Variants in ARB2A observed in about 807,000 individuals in gnomAD.
ARB2A encodes the protein ARB2 cotranscriptional regulator A.
chr5:93,949,069 C>A, the ARB2A span, among the ~76,000 whole-genome samples: 1 of 152,238 alleles, frequency 6.6e-6, no homozygotes, highest in Admixed American at 6.5e-5. Context: ...TACTAGCTAA[C>A]CCCTGAAGCT....
the ARB2A span, among the ~76,000 whole-genome samples, chr5:93,704,830 T>C: frequency 0.016 from 2,385 of 152,314 alleles, 87 homozygotes; most frequent in Admixed American, 0.063. Flanking sequence ...TTTGAGAATA[T>C]GAGAAGAGCT....
At chr5:93,855,575 A>G in the ARB2A span, among the ~76,000 whole-genome samples, 27 of 152,268 alleles carry the variant, frequency 1.8e-4, no homozygotes, top group Admixed American at 7.2e-4. Context: ...ACAATTTGGC[A>G]TGATTTTGCA....
chr5:93,866,347 A>C, the ARB2A span: 2 of 935,026 alleles, frequency 2.1e-6, no homozygotes, highest in African/African-American at 1.8e-5. Flanking sequence ...TGATTATGGG[A>C]GGAACAGTGT....
the ARB2A span, among the ~76,000 whole-genome samples, chr5:93,938,707 G>A: frequency 1.3e-5 from 2 of 152,194 alleles, no homozygotes; most frequent in Non-Finnish European, 2.9e-5. Flanking sequence ...ATCCTGGAGA[G>A]AGAGAGCATG....
the ARB2A span, among the ~76,000 whole-genome samples, chr5:93,634,043 G>A: frequency 1.3e-5 from 2 of 152,226 alleles, no homozygotes; most frequent in South Asian, 2.1e-4. Context: ...GATTACAGTC[G>A]TGAACCACTG....
chr5:93,705,643 GTGTGTGTGTATA>G, the ARB2A span, among the ~76,000 whole-genome samples: 59 of 146,348 alleles, frequency 4.0e-4, no homozygotes, highest in African/African-American at 1.6e-3. Flanking sequence ...GTGTGTGTGT[GTGTGTGTGTATA>G]TATATATATA....
chr5:93,977,496 C>T, the ARB2A span, among the ~76,000 whole-genome samples: 5 of 152,010 alleles, frequency 3.3e-5, no homozygotes, highest in East Asian at 9.7e-4. Flanking sequence ...TCAACAAAGT[C>T]AGTAAAAATA....
chr5:93,881,482 T>C, the ARB2A span: 6 of 1,609,586 alleles, frequency 3.7e-6, 1 homozygote, highest in East Asian at 6.7e-5. Context: ...TGATATACAA[T>C]TGCATCATTT....
the ARB2A span, among the ~76,000 whole-genome samples, chr5:93,873,246 G>A: frequency 9.6e-5 from 14 of 146,368 alleles, no homozygotes; most frequent in African/African-American, 3.6e-4. Context: ...GAGTTATGAT[G>A]TCATCACTGC....
chr5:93,824,317 C>A, the ARB2A span: 3 of 1,323,828 alleles, frequency 2.3e-6, no homozygotes, highest in Non-Finnish European at 3.1e-6. Context: ...TAATTATTAT[C>A]ATAGCAAACA....
At chr5:93,971,236 G>T in the ARB2A span, among the ~76,000 whole-genome samples, 1 of 152,024 alleles carries the variant, frequency 6.6e-6, no homozygotes, top group East Asian at 1.9e-4. Context: ...CTGACCTCGT[G>T]ATCCGCCCGC....
At chr5:93,683,599 C>A in the ARB2A span, 3 of 1,468,048 alleles carry the variant, frequency 2.0e-6, no homozygotes, top group Non-Finnish European at 2.8e-6. Flanking sequence ...GGATAACTGG[C>A]GCTCATTTTC....
the ARB2A span, among the ~76,000 whole-genome samples, chr5:93,712,089 G>A: frequency 1.9e-4 from 29 of 152,346 alleles, no homozygotes; most frequent in African/African-American, 6.7e-4. Flanking sequence ...AGCTAGGGCA[G>A]ACTTGGAAAC....
the ARB2A span, among the ~76,000 whole-genome samples, chr5:94,082,143 T>C: frequency 1.3e-5 from 2 of 152,182 alleles, no homozygotes; most frequent in Non-Finnish European, 2.9e-5. Context: ...GTTCTCTGCA[T>C]TGGCAGTTCT....
At chr5:93,890,160 T>C in the ARB2A span, among the ~76,000 whole-genome samples, 1 of 151,882 alleles carries the variant, frequency 6.6e-6, no homozygotes, top group African/African-American at 2.4e-5. Context: ...GAAAGTAAAG[T>C]GCAGGAAAAA....
the ARB2A span, among the ~76,000 whole-genome samples, chr5:94,101,286 A>T: frequency 6.6e-6 from 1 of 152,212 alleles, no homozygotes; most frequent in Admixed American, 6.5e-5. Context: ...GGCTATTATT[A>T]AAAAGTCAAA....
the ARB2A span, among the ~76,000 whole-genome samples, chr5:94,029,306 A>G: frequency 1.3e-5 from 2 of 152,122 alleles, no homozygotes; most frequent in Admixed American, 6.6e-5. Context: ...TTTGGTCTTC[A>G]TATCTCCTTA....
At chr5:93,887,461 G>A in the ARB2A span, among the ~76,000 whole-genome samples, 3 of 151,662 alleles carry the variant, frequency 2.0e-5, no homozygotes, top group South Asian at 4.1e-4. Context: ...TAGATACTAA[G>A]CAATATTAGA....
the ARB2A span, among the ~76,000 whole-genome samples, chr5:93,702,944 CT>C: frequency 2.6e-5 from 4 of 152,110 alleles, no homozygotes; most frequent in East Asian, 7.7e-4. Flanking sequence ...TTTATTTTTA[CT>C]TGTGACATTT....
Sources: gnomAD v4.1 joint callset for allele counts (sites outside exome capture counted in the v4.1 genomes callset) on GRCh38, gnomAD v4.1.1 for gene constraint, MANE v1.5 for transcripts, NCBI Gene and HGNC (gene_info 2026-07-23, HGNC 2026-07-21) for gene names.